CNTLN: variants seen among roughly 807,000 people sequenced by gnomAD.
CNTLN encodes the protein centlein, also known as centlein, centrosomal protein.
CNTLN carries 212 observed loss-of-function variants against 180.0 expected under a neutral mutation model. The observed-to-expected ratio is 1.18, with a 90% CI of 1.05 to 1.32. The LOEUF is 1.32. CNTLN is among the 40% of genes most tolerant of loss of function. CNTLN has a pLI of 0.00. For missense variants in CNTLN, 2,095 were observed against 1,610.9 expected, an observed-to-expected ratio of 1.30 and a Z score of -5.14; for synonymous variants, 722 against 563.1, an observed-to-expected ratio of 1.28 and a Z score of -3.99.
intron 20 of CNTLN, among the ~76,000 whole-genome samples, chr9:17,463,567 A>G (rs949996498): frequency 6.6e-6 from 1 of 151,648 alleles, no homozygotes. Flanking sequence ...TCCAGTTGTC[A>G]CTGATACATT....
At chr9:17,330,168 T>C (rs1289674403) in intron 8 of CNTLN, among the ~76,000 whole-genome samples, 1 of 151,940 alleles carries the variant, frequency 6.6e-6, no homozygotes, top group African/African-American at 2.4e-5. Flanking sequence ...CTTTGAGGAG[T>C]TGTTATTAAA....
At chr9:17,223,562 G>A (rs994055630) in intron 2 of CNTLN, among the ~76,000 whole-genome samples, 6 of 151,928 alleles carry the variant, frequency 3.9e-5, no homozygotes, top group Non-Finnish European at 8.8e-5. Context: ...AAGAAATCCT[G>A]TTAGCTCTAC....
intron 13 of CNTLN, among the ~76,000 whole-genome samples, chr9:17,381,563 C>G (rs1164599535): frequency 6.6e-6 from 1 of 152,244 alleles, no homozygotes; most frequent in Non-Finnish European, 1.5e-5. Context: ...TTGCCACCCA[C>G]CACCCAGTCC....
chr9:17,297,006 A>G (rs1817995813), intron 6 of CNTLN, among the ~76,000 whole-genome samples: 1 of 152,234 alleles, frequency 6.6e-6, no homozygotes, highest in Admixed American at 6.5e-5. Context: ...AGTTCCATTA[A>G]GAAATACAAT....
intron 23 of CNTLN, among the ~76,000 whole-genome samples, chr9:17,467,225 A>T (rs1307398047): frequency 6.6e-6 from 1 of 151,562 alleles, no homozygotes; most frequent in Admixed American, 6.6e-5. Flanking sequence ...TCAAGCAGGA[A>T]CAACCAGAAA....
intron 7 of CNTLN, among the ~76,000 whole-genome samples, chr9:17,303,368 C>T (rs1172675928): frequency 6.6e-6 from 1 of 152,134 alleles, no homozygotes; most frequent in Admixed American, 6.5e-5. Flanking sequence ...AAATGTTATT[C>T]AGAAGATTTC....
intron 6 of CNTLN, among the ~76,000 whole-genome samples, chr9:17,279,718 C>T (rs530239453): frequency 6.6e-6 from 1 of 151,818 alleles, no homozygotes; most frequent in African/African-American, 2.4e-5. Context: ...AAGGGATAGT[C>T]CTAATTTAAT....
intron 25 of CNTLN, 108 bp downstream of exon 25, chr9:17,487,174 C>G: frequency 1.3e-6 from 1 of 747,364 alleles, no homozygotes; most frequent in South Asian, 1.6e-5. Context: ...TTGTTTACTT[C>G]TGTTAGGTAA....
chr9:17,457,675 G>A lies in CNTLN; in HGVS notation c.3266G>A (p.Ser1089Asn), dbSNP rs370944209. The change falls in exon 19 of 26, where the codon AGC (serine) becomes AAC (asparagine). Residue 1089 changes from serine to asparagine, a missense_variant. Physicochemically the swap from Ser to Asn is conservative, Grantham distance 46 (BLOSUM62 1). Transcript: ENST00000380647. ...IQVTSLSPSR[S>N]MDLEMKQLQY... ...GTTACATCACTTAGTCCTTCAAGGA[G>A]CATGGATTTGGAAATGAAGCAATTG... 1.2e-5 allele frequency: 18 copies of A among 1,514,826 alleles called. No homozygotes were observed. The highest frequency in any genetic ancestry group is 1.6e-5 in the Non-Finnish European group (18 of 1,130,266). The allele number at this position is 1,514,826 out of a possible 1,614,324, so 93.8% of individuals were successfully genotyped here. A position where few individuals can be genotyped will look rare whatever the true frequency, so the allele number is the denominator to read the frequency against.
intron 15 of CNTLN, among the ~76,000 whole-genome samples, chr9:17,403,829 G>A (rs1827171247): frequency 6.6e-6 from 1 of 151,706 alleles, no homozygotes; most frequent in East Asian, 1.9e-4. Context: ...AGACTGGAGT[G>A]CAGTGGTGTG....
chr9:17,206,299 A>G (rs1402926906), intron 2 of CNTLN, among the ~76,000 whole-genome samples: 1 of 152,168 alleles, frequency 6.6e-6, no homozygotes, highest in Non-Finnish European at 1.5e-5. Flanking sequence ...TAAATTACAC[A>G]TTACAGCAAT....
intron 2 of CNTLN, among the ~76,000 whole-genome samples, chr9:17,145,092 C>A (rs531565878): frequency 6.7e-6 from 1 of 149,974 alleles, no homozygotes. Flanking sequence ...CCACCCGCCT[C>A]GGCCTCCCAA....
chr9:17,445,380 G>T (rs1830345631), intron 18 of CNTLN, among the ~76,000 whole-genome samples: 1 of 152,000 alleles, frequency 6.6e-6, no homozygotes, highest in East Asian at 1.9e-4. Context: ...AAGCAAGAGA[G>T]ATCAGATTGT....
intron 23 of CNTLN, among the ~76,000 whole-genome samples, chr9:17,480,156 A>T (rs2134288755): frequency 6.6e-6 from 1 of 152,236 alleles, no homozygotes; most frequent in South Asian, 2.1e-4. Flanking sequence ...ACACCACTGC[A>T]TTTCAGCCCG....
At chr9:17,173,085 C>G (rs2131663483) in intron 2 of CNTLN, among the ~76,000 whole-genome samples, 1 of 152,046 alleles carries the variant, frequency 6.6e-6, no homozygotes, top group East Asian at 1.9e-4. Flanking sequence ...AAGTCACTGT[C>G]AAAAAGAACG....
intron 18 of CNTLN, among the ~76,000 whole-genome samples, chr9:17,444,939 ATC>A (rs1252667113): frequency 2.0e-5 from 3 of 152,084 alleles, no homozygotes; most frequent in Non-Finnish European, 4.4e-5. Flanking sequence ...AACTTTGCAA[ATC>A]TCTTTTTTCT....
Position 17,226,225 on chromosome 9 carries a change from A to G in CNTLN, c.472A>G (p.Lys158Glu). 6.3e-7 allele frequency: 1 copy of G among 1,578,674 alleles called. No individual in the cohort carries two copies. Among genetic ancestry groups the G allele is most frequent in the South Asian group, 1.2e-5 (1 of 84,476 alleles). ...VEREKQKSEAKDRKVLEILQV... is the reference protein window; with the variant it reads ...VEREKQKSEAEDRKVLEILQV... ...TAGAGAAAAACAGAAATCTGAAGCTAAAGACAGAAAAGTTCTAGAAATTCT... is the reference window on the plus strand; with the variant it reads ...TAGAGAAAAACAGAAATCTGAAGCTGAAGACAGAAAAGTTCTAGAAATTCT... The change falls in exon 3 of 26, where the codon AAA (lysine) becomes GAA (glutamate). Residue 158 changes from lysine (K) to glutamate (E), a missense_variant. Coordinates refer to ENST00000380647, the MANE Select transcript of CNTLN (RefSeq NM_017738.4).
chr9:17,149,108 G>A (rs896932729), intron 2 of CNTLN, among the ~76,000 whole-genome samples: 4 of 152,096 alleles, frequency 2.6e-5, no homozygotes, highest in Admixed American at 6.5e-5. Flanking sequence ...GGGAATGATG[G>A]TTTCCAGCTT....
chr9:17,328,197 T>A (rs780554416), intron 8 of CNTLN, among the ~76,000 whole-genome samples: 6 of 152,210 alleles, frequency 3.9e-5, no homozygotes, highest in Non-Finnish European at 8.8e-5. Flanking sequence ...GCCTTCAGCA[T>A]AATTAGAAGT....
Sources: gnomAD v4.1 joint callset for allele counts (sites outside exome capture counted in the v4.1 genomes callset) on GRCh38, gnomAD v4.1.1 for gene constraint, MANE v1.5 for transcripts, NCBI Gene and HGNC (gene_info 2026-07-23, HGNC 2026-07-21) for gene names.